The following POLR1A variants were observed in gnomAD, a reference collection of about 807,000 sequenced individuals.
The protein encoded by POLR1A is DNA-directed RNA polymerase I subunit RPA1.
Under a neutral mutation model 205.3 loss-of-function variants are expected in POLR1A, and 84 were observed. The ratio of observed to expected loss-of-function variants is 0.41; its 90% CI spans 0.34 to 0.49. The LOEUF (loss-of-function observed/expected upper bound fraction) is 0.49, where lower values mean the gene tolerates loss of function less well. Ranked by LOEUF, POLR1A falls within the 20% of genes least tolerant of loss-of-function variation. The pLI is 0.22. For synonymous variants in POLR1A, 799 were observed against 863.7 expected, an observed-to-expected ratio of 0.93 and a Z score of 1.31; for missense variants, 1,645 against 2,204.5, an observed-to-expected ratio of 0.75 and a Z score of 5.08.
At chr2:86,096,058 C>A (rs1430300209) in intron 3 of POLR1A, among the ~76,000 whole-genome samples, 1 of 152,020 alleles carries the variant, frequency 6.6e-6, no homozygotes, top group African/African-American at 2.4e-5. Flanking sequence ...AAAACCTAGA[C>A]TCTACCAAAA....
chr2:86,047,212 T>C lies in POLR1A; in HGVS notation c.2686A>G (p.Met896Val), dbSNP rs770252418. 12 of 1,614,014 alleles carry C rather than the reference T, an allele frequency of 7.4e-6. No individual in the cohort carries two copies. Among genetic ancestry groups the C allele is most frequent in the Non-Finnish European group, 1.0e-5 (12 of 1,180,002 alleles). Residue 896 changes from methionine (M) to valine (V), a missense_variant, in exon 19 of 34, where the codon ATG becomes GTG. Physicochemically the swap from Met to Val is conservative, Grantham distance 21 (BLOSUM62 1). Coordinates refer to ENST00000263857, the MANE Select transcript of POLR1A (RefSeq NM_015425.6). ...HRQFPENSLQ[M>V]MVQSGAKGST... ...CCTTTGGCTCCCGACTGCACCATCA[T>C]CTGCAGGCTGTTCTCTGGGAACTGT...
At chr2:86,052,649 T>A (rs1214502566) in intron 16 of POLR1A, among the ~76,000 whole-genome samples, 168 bp downstream of exon 16, 1 of 152,198 alleles carries the variant, frequency 6.6e-6, no homozygotes, top group African/African-American at 2.4e-5. Context: ...GTTAAGACCC[T>A]GTAATAAAGC....
At chr2:86,033,617 G>A (rs752060727) in intron 28 of POLR1A, 44 bp downstream of exon 28, 1 of 1,601,388 alleles carries the variant, frequency 6.2e-7, no homozygotes, top group African/African-American at 1.3e-5. Flanking sequence ...CCAGTCTGGG[G>A]GCTGTCCCTG....
chr2:86,033,665 C>T lies in POLR1A; in HGVS notation c.4157G>A (p.Ser1386Asn), dbSNP rs762303807. 1.2e-6 allele frequency: 2 copies of T among 1,613,146 alleles called. No homozygotes were observed. The highest frequency in any genetic ancestry group is 1.7e-6 in the Non-Finnish European group (2 of 1,179,854). The change falls in exon 28 of 34, where the codon AGT (serine) becomes AAT (asparagine). Residue 1386 changes from serine (S) to asparagine (N), a missense_variant. Physicochemically the swap from Ser to Asn is conservative, Grantham distance 46 (BLOSUM62 1). Transcript: ENST00000263857. ...GACCCCCGGGGACTCACTCACCCGACTCCTCCCCAACTCCCCAGCGTTGTC... is the reference window on the plus strand; with the variant it reads ...GACCCCCGGGGACTCACTCACCCGATTCCTCCCCAACTCCCCAGCGTTGTC... ...DLDNAGELGRSRGEQEGDEEE... is the reference protein window; with the variant it reads ...DLDNAGELGRNRGEQEGDEEE...
At chr2:86,084,288 A>G (rs1320228631) in intron 6 of POLR1A, among the ~76,000 whole-genome samples, 2 of 151,986 alleles carry the variant, frequency 1.3e-5, no homozygotes, top group East Asian at 3.9e-4. Flanking sequence ...AATACTGGAC[A>G]TGACTGTAAT....
intron 13 of POLR1A, among the ~76,000 whole-genome samples, chr2:86,068,146 C>T (rs1673114566): frequency 6.6e-6 from 1 of 152,168 alleles, no homozygotes; most frequent in Non-Finnish European, 1.5e-5. Flanking sequence ...CATTCAAGGT[C>T]ACTGGTCTGA....
Position 86,088,867 on chromosome 2 carries a change from T to C in POLR1A, c.544A>G (p.Lys182Glu). The C allele has an allele frequency of 6.2e-7, 1 of 1,609,464 alleles. No homozygotes were observed. The highest frequency in any genetic ancestry group is 8.5e-7 in the Non-Finnish European group (1 of 1,177,534). ...TTGCTCTTGCTCTCACACACGTTCT[T>C]TACCTGTTTTTTTAAAAAAAGTCAG... ...NLLGSQGAHV[K>E]NVCESKSKLI... Residue 182 changes from lysine (K) to glutamate (E), a missense_variant, in exon 5 of 34, where the codon AAG (lysine) becomes GAG (glutamate). Coordinates refer to ENST00000263857, the MANE Select transcript of POLR1A (RefSeq NM_015425.6).
chr2:86,028,834 A>G lies in POLR1A; in HGVS notation c.4780-123T>C. On this transcript the variant is annotated intron_variant, in intron 31 of 33. Coordinates refer to ENST00000263857, the MANE Select transcript of POLR1A (RefSeq NM_015425.6). This position sits in a 1 kb window ranked among gnomAD's most constrained non-coding sequence, Gnocchi z 4.5. ...TGGCAGCTCGGTACAGCTGATGACA[A>G]AGTGGTCAAGAGGTGGCCCAGGATT... 1.4e-6 allele frequency: 1 copy of G among 701,586 alleles called. No homozygotes were observed. Among genetic ancestry groups the G allele is most frequent in the Non-Finnish European group, 2.5e-6 (1 of 396,718 alleles). The allele number at this position is 701,586 out of a possible 1,614,324, so 43.5% of individuals were successfully genotyped here.
rs1344448004 is a variant in POLR1A, at chr2:86,088,831, G to C, written c.580C>G (p.Leu194Val). The change falls in exon 5 of 34, where the codon CTC becomes GTC. Residue 194 changes from leucine (L) to valine (V), a missense_variant. By Grantham distance (32) the Leu-to-Val change is conservative. Transcript: ENST00000263857. ...GCATTCATATGTGCCTTCCAGAAGAGAGCAATGAGCTTGCTCTTGCTCTCA... is the reference window on the plus strand; with the variant it reads ...GCATTCATATGTGCCTTCCAGAAGACAGCAATGAGCTTGCTCTTGCTCTCA... ...VCESKSKLIALFWKAHMNAKR... is the reference protein window; with the variant it reads ...VCESKSKLIAVFWKAHMNAKR... 5 of 1,613,980 alleles carry C rather than the reference G, an allele frequency of 3.1e-6. No homozygotes were observed. The highest frequency in any genetic ancestry group is 3.4e-6 in the Non-Finnish European group (4 of 1,179,958).
At chr2:86,077,738 A>G in intron 11 of POLR1A, 121 bp downstream of exon 11, 2 of 1,193,252 alleles carry the variant, frequency 1.7e-6, no homozygotes. Context: ...TCTGCTGCAC[A>G]TCCTGTCCCC....
chr2:86,029,461 T>C (rs930561181), intron 31 of POLR1A, among the ~76,000 whole-genome samples: 1 of 152,058 alleles, frequency 6.6e-6, no homozygotes, highest in Non-Finnish European at 1.5e-5. Flanking sequence ...ACAGATGAGC[T>C]GGTGAGCAGG....
intron 3 of POLR1A, among the ~76,000 whole-genome samples, chr2:86,095,798 G>A (rs932773633): frequency 1.3e-5 from 2 of 151,412 alleles, no homozygotes; most frequent in Admixed American, 1.3e-4. Flanking sequence ...CGCGATCTTG[G>A]CTCACTGCAA....
rs745979247 is a variant in POLR1A at position 86,033,723 on chromosome 2, C to T, written c.4099G>A (p.Val1367Ile). 18 of 1,614,012 alleles carry T rather than the reference C, an allele frequency of 1.1e-5. 1 individual carries two copies. The highest frequency in any genetic ancestry group is 6.7e-5 in the Admixed American group (4 of 60,034). Residue 1367 changes from valine (V) to isoleucine (I), a missense_variant, in exon 28 of 34, where the codon GTA becomes ATA. Physicochemically the swap from Val to Ile is conservative, Grantham distance 29 (BLOSUM62 3). Coordinates refer to ENST00000263857, the MANE Select transcript of POLR1A (RefSeq NM_015425.6). Reference protein sequence around the residue: ...KNNKASAFRNVNTRRATQRDL... With the variant: ...KNNKASAFRNINTRRATQRDL... ...CGCTGTGTAGCTCTTCGAGTGTTTACGTTCCTGAAAGCTGATGCTTTATTA... is the reference window on the plus strand; with the variant it reads ...CGCTGTGTAGCTCTTCGAGTGTTTATGTTCCTGAAAGCTGATGCTTTATTA...
At chr2:86,098,871 A>T in intron 2 of POLR1A, 111 bp from the exon 3 acceptor site, 2 of 921,842 alleles carry the variant, frequency 2.2e-6, no homozygotes, top group Non-Finnish European at 3.3e-6. Flanking sequence ...TCCTTTAAAA[A>T]CTCTACTTCA....
intron 14 of POLR1A, among the ~76,000 whole-genome samples, chr2:86,059,244 T>A (rs936785714): frequency 6.6e-6 from 1 of 152,226 alleles, no homozygotes; most frequent in African/African-American, 2.4e-5. Flanking sequence ...TTTGTCAGCA[T>A]AGCCTATGAA....
chr2:86,030,096 G>T, intron 31 of POLR1A, 100 bp downstream of exon 31: 1 of 951,068 alleles, frequency 1.1e-6, no homozygotes, highest in Non-Finnish European at 1.7e-6. Flanking sequence ...GGAAGGGCCA[G>T]AGTAAATCGC....
intron 1 of POLR1A, among the ~76,000 whole-genome samples, chr2:86,103,654 C>G (rs1021792099): frequency 3.3e-5 from 5 of 152,150 alleles, no homozygotes; most frequent in African/African-American, 1.2e-4. Flanking sequence ...CCAATGATAC[C>G]AGAGCTGTGG....
intron 12 of POLR1A, among the ~76,000 whole-genome samples, chr2:86,071,345 T>C (rs1673178179): frequency 6.6e-6 from 1 of 152,016 alleles, no homozygotes; most frequent in Non-Finnish European, 1.5e-5. Flanking sequence ...GGCTGGAGTA[T>C]AGTGGTACAA....
intron 8 of POLR1A, 122 bp from the exon 9 acceptor site, chr2:86,081,100 C>A: frequency 1.1e-6 from 1 of 875,072 alleles, no homozygotes; most frequent in Non-Finnish European, 1.8e-6. Flanking sequence ...ACCAACCTTC[C>A]TAACCAACAT....
Sources: allele counts gnomAD v4.1 joint callset (sites outside exome capture counted in the v4.1 genomes callset), GRCh38; gene constraint gnomAD v4.1.1; non-coding constraint Gnocchi (gnomAD v3.1); transcripts MANE v1.5; gene names NCBI Gene and HGNC (gene_info 2026-07-23, HGNC 2026-07-21).